The following RRAS2 variants were observed in gnomAD, a reference collection of about 807,000 sequenced individuals.
RRAS2 encodes the protein RAS related 2, also known as ras-related protein R-Ras2.
Under a neutral mutation model 27.6 loss-of-function variants are expected in RRAS2, and 7 were observed. The observed-to-expected ratio is 0.25, with a 90% CI of 0.14 to 0.48. The LOEUF (loss-of-function observed/expected upper bound fraction) is 0.48. Among genes scored for constraint, RRAS2 ranks in the 20% least tolerant of loss-of-function variants. The pLI, the probability that RRAS2 is intolerant of heterozygous loss-of-function variation, is 0.99. For synonymous variants in RRAS2, 86 were observed against 90.9 expected (o/e 0.95, Z 0.31); for missense variants, 178 against 256.2 (o/e 0.69, Z 2.08).
Position 14,359,139 on chromosome 11 carries a change from G to A in RRAS2, c.-269C>T, listed in dbSNP as rs1849152324. On this transcript the variant is annotated 5_prime_UTR_variant, in exon 1 of 6. Coordinates refer to ENST00000256196, the MANE Select transcript of RRAS2 (RefSeq NM_012250.6). ...GCGCGCTCCTCTACGCGTCTCCGCA[G>A]CGCCTGCCGAACGCAGCCTCCAGCG... 7 of 1,032,840 alleles carry A rather than the reference G, an allele frequency of 6.8e-6. No homozygotes were observed. Among genetic ancestry groups the A allele is most frequent in the South Asian group, 4.6e-5 (1 of 21,716 alleles). 64.0% of individuals were successfully genotyped at this position (1,032,840 alleles called of 1,614,324 possible).
At position 14,281,733 on chromosome 11, in the gene RRAS2, CA is replaced by C. The variant is rs1554944353; in HGVS notation, c.409-14del. On this transcript the variant is annotated splice_polypyrimidine_tract_variant and intron_variant, in intron 4 of 5. Coordinates refer to ENST00000256196, the MANE Select transcript of RRAS2 (RefSeq NM_012250.6). The stretch of plus-strand genomic sequence containing the variant: ...CTTCCTGTGTTACCTGAAATTCCAA[CA>C]GTTATGTTTATGGTACATTATTAAC... The C allele has an allele frequency of 6.3e-7, 1 of 1,580,084 alleles. No homozygotes were observed. Among genetic ancestry groups the C allele is most frequent in the South Asian group, 1.2e-5 (1 of 86,620 alleles).
chr11:14,358,238 A>T lies in RRAS2; in HGVS notation c.108+525T>A. 1.0e-6 allele frequency: 1 copy of T among 985,472 alleles called. No individual in the cohort carries two copies. The highest frequency in any genetic ancestry group is 1.2e-6 in the Non-Finnish European group (1 of 829,940). 61.0% of individuals were successfully genotyped at this position (985,472 alleles called of 1,614,324 possible). ...CTTATAAAAAGAGCGTAACACACAC[A>T]CAAAGAAATACACAGTACTTGAAGC... On this transcript the variant is annotated intron_variant, in intron 1 of 5. Transcript: ENST00000256196. This position sits in a 1 kb window ranked among gnomAD's most constrained non-coding sequence, Gnocchi z 5.1.
At chr11:14,351,110 A>C (rs552055062) in intron 1 of RRAS2, among the ~76,000 whole-genome samples, 3 of 152,294 alleles carry the variant, frequency 2.0e-5, no homozygotes, top group African/African-American at 7.2e-5. Context: ...AATAACACAT[A>C]ATTTCTGTAT....
At chr11:14,321,700 A>G (rs1848226950) in intron 1 of RRAS2, among the ~76,000 whole-genome samples, 1 of 152,020 alleles carries the variant, frequency 6.6e-6, no homozygotes, top group Non-Finnish European at 1.5e-5. Flanking sequence ...AGTCTGACCC[A>G]TTTCTGAAAT....
chr11:14,351,301 C>G (rs1848945184), intron 1 of RRAS2, among the ~76,000 whole-genome samples: 1 of 152,146 alleles, frequency 6.6e-6, no homozygotes, highest in Non-Finnish European at 1.5e-5. Context: ...ATTGGATAAT[C>G]TGAGATTTTC....
At chr11:14,360,908 G>A (rs1458104109), upstream of RRAS2, among the ~76,000 whole-genome samples, 1 of 145,472 alleles carries the variant, frequency 6.9e-6, no homozygotes, top group Admixed American at 6.8e-5. Context: ...GCGACAATGC[G>A]GGCTCAAAAA....
chr11:14,356,701 C>G (rs1280135750), intron 1 of RRAS2: 2 of 434,768 alleles, frequency 4.6e-6, no homozygotes, highest in Admixed American at 5.5e-5. Flanking sequence ...TCCTTTACTT[C>G]TTTAATATCA....
intron 1 of RRAS2, among the ~76,000 whole-genome samples, chr11:14,340,547 TGAG>T (rs1275084912): frequency 6.6e-6 from 1 of 152,180 alleles, no homozygotes; most frequent in Non-Finnish European, 1.5e-5. Flanking sequence ...GTCACTGGAA[TGAG>T]AAGAATGGCT....
At chr11:14,317,187 GTT>G (rs1554949657) in intron 1 of RRAS2, among the ~76,000 whole-genome samples, 48 of 152,320 alleles carry the variant, frequency 3.2e-4, no homozygotes, top group Middle Eastern at 3.4e-3. Flanking sequence ...AATCATCCAA[GTT>G]ATGGAAGAAG....
intron 1 of RRAS2, among the ~76,000 whole-genome samples, chr11:14,308,509 C>T (rs547266049): frequency 1.3e-4 from 20 of 152,262 alleles, no homozygotes; most frequent in East Asian, 1.9e-4. Flanking sequence ...TATTATGACA[C>T]GTTTAGCTCC....
chr11:14,278,059 T>C lies in RRAS2; in HGVS notation c.*1278A>G, dbSNP rs1478633618. On this transcript the variant is annotated 3_prime_UTR_variant, in exon 6 of 6. Coordinates refer to ENST00000256196, the MANE Select transcript of RRAS2 (RefSeq NM_012250.6). ...ACTTAGCATCTCAAAATCAGGAACATACTATTGAATTGCTTAAACACAATC... is the reference window on the plus strand; with the variant it reads ...ACTTAGCATCTCAAAATCAGGAACACACTATTGAATTGCTTAAACACAATC... 1.5e-4 allele frequency: 23 copies of C among 152,240 alleles called. No individual in the cohort carries two copies. The highest frequency in any genetic ancestry group is 5.1e-4 in the African/African-American group (21 of 41,460). The allele number at this position is 152,240 out of a possible 1,614,324, so 9.4% of individuals were successfully genotyped here. A position where few individuals can be genotyped will look rare whatever the true frequency, so the allele number is the denominator to read the frequency against.
intron 3 of RRAS2, 65 bp downstream of exon 3, chr11:14,294,695 C>G (rs782727447): frequency 5.4e-5 from 83 of 1,544,764 alleles, no homozygotes; most frequent in Non-Finnish European, 7.1e-5. Flanking sequence ...ACAAAAAGTC[C>G]AAACTCAATA....
At chr11:14,342,318 G>A (rs552068037) in intron 1 of RRAS2, among the ~76,000 whole-genome samples, 6 of 152,274 alleles carry the variant, frequency 3.9e-5, no homozygotes, top group East Asian at 3.9e-4. Flanking sequence ...TCCCAGCTTC[G>A]CTTTTTACTT....
intron 1 of RRAS2, among the ~76,000 whole-genome samples, chr11:14,306,681 G>A (rs1176350910): frequency 6.6e-6 from 1 of 152,016 alleles, no homozygotes; most frequent in East Asian, 1.9e-4. Context: ...CTGTTCTACT[G>A]GGCTGACTGC....
chr11:14,347,583 G>A (rs1245777581), intron 1 of RRAS2, among the ~76,000 whole-genome samples: 1 of 152,144 alleles, frequency 6.6e-6, no homozygotes, highest in Non-Finnish European at 1.5e-5. Context: ...GCTTTGGGAG[G>A]CCAAGACAGG....
At chr11:14,357,592 A>G (rs1239467690) in intron 1 of RRAS2, among the ~76,000 whole-genome samples, 3 of 152,234 alleles carry the variant, frequency 2.0e-5, no homozygotes, top group African/African-American at 7.2e-5. Flanking sequence ...ATTATTGCTC[A>G]TTTACTCAAT....
At chr11:14,316,926 G>A (rs1848120783) in intron 1 of RRAS2, among the ~76,000 whole-genome samples, 1 of 152,180 alleles carries the variant, frequency 6.6e-6, no homozygotes, top group Non-Finnish European at 1.5e-5. Flanking sequence ...TAGTCAAGTA[G>A]GAGGCAAGAC....
intron 1 of RRAS2, among the ~76,000 whole-genome samples, chr11:14,349,318 ATT>A (rs782247910): frequency 8.6e-5 from 12 of 138,918 alleles, no homozygotes; most frequent in South Asian, 2.3e-4. Context: ...CACCCGGCTA[ATT>A]TTTTTTTTTT....
chr11:14,355,776 T>C (rs1388941780), intron 1 of RRAS2, among the ~76,000 whole-genome samples: 1 of 152,132 alleles, frequency 6.6e-6, no homozygotes, highest in Non-Finnish European at 1.5e-5. Context: ...TAAGTCCAAT[T>C]TGTGCCATTC....
Sources: gnomAD v4.1 joint callset for allele counts (sites outside exome capture counted in the v4.1 genomes callset) on GRCh38, gnomAD v4.1.1 for gene constraint, Gnocchi (gnomAD v3.1) non-coding constraint, MANE v1.5 for transcripts, NCBI Gene and HGNC (gene_info 2026-07-23, HGNC 2026-07-21) for gene names.